PPM1E: variants seen among roughly 807,000 people sequenced by gnomAD.
The protein encoded by PPM1E is protein phosphatase 1E.
Under a neutral mutation model 65.9 loss-of-function variants are expected in PPM1E, and 20 were observed. The observed-to-expected ratio is 0.30, with a 90% CI of 0.21 to 0.44. PPM1E has a LOEUF of 0.44. Among genes scored for constraint, PPM1E ranks in the 20% least tolerant of loss-of-function variants. PPM1E has a pLI of 1.00. For synonymous variants in PPM1E, 352 were observed against 374.9 expected (o/e 0.94, Z 0.70); for missense variants, 713 against 953.1 (o/e 0.75, Z 3.32).
intron 1 of PPM1E, among the ~76,000 whole-genome samples, chr17:58,757,282 G>A (rs1228897345): frequency 6.6e-6 from 1 of 152,206 alleles, no homozygotes; most frequent in East Asian, 1.9e-4. Context: ...CCATTAAGTA[G>A]ATGGGATGGG....
chr17:58,784,624 A>G (rs1383164712), intron 1 of PPM1E, among the ~76,000 whole-genome samples: 5 of 151,154 alleles, frequency 3.3e-5, no homozygotes, highest in African/African-American at 1.2e-4. Context: ...TCCCGGGTTC[A>G]AGCAATGCTC....
intron 1 of PPM1E, among the ~76,000 whole-genome samples, chr17:58,836,770 C>A (rs1268499563): frequency 6.7e-6 from 1 of 148,694 alleles, no homozygotes; most frequent in Non-Finnish European, 1.5e-5. Flanking sequence ...GCCTGTAATC[C>A]CAGCACTTTG....
At chr17:58,795,565 G>A (rs2050197785) in intron 1 of PPM1E, among the ~76,000 whole-genome samples, 1 of 152,144 alleles carries the variant, frequency 6.6e-6, no homozygotes, top group Non-Finnish European at 1.5e-5. Context: ...TTAACTGGAT[G>A]TGGTGGCGCA....
intron 1 of PPM1E, among the ~76,000 whole-genome samples, chr17:58,757,458 T>C (rs1033687912): frequency 6.6e-6 from 1 of 152,252 alleles, no homozygotes; most frequent in South Asian, 2.1e-4. Context: ...AGGAGAATAC[T>C]AGTAAGTCTC....
At chr17:58,883,830 G>A (rs1014299134) in intron 1 of PPM1E, among the ~76,000 whole-genome samples, 2 of 152,092 alleles carry the variant, frequency 1.3e-5, no homozygotes, top group African/African-American at 2.4e-5. Flanking sequence ...AGCCAATTGG[G>A]AAGCCTAAGT....
rs374266409 is a variant in PPM1E, at chr17:58,953,419, A to T, written c.465-2230A>T. On this transcript the variant is annotated intron_variant, in intron 1 of 6. Transcript: ENST00000308249. Reference sequence around the variant, plus strand: ...TGGGAAATGAGAGAGAAAGGGGAGGAGGTGCCCAGCTCTTTTTAATTTAAT... The same window carrying T: ...TGGGAAATGAGAGAGAAAGGGGAGGTGGTGCCCAGCTCTTTTTAATTTAAT... Among the ~76,000 whole-genome samples, 51 of 152,240 alleles carry T rather than the reference A, an allele frequency of 3.3e-4. No individual in the cohort carries two copies. The South Asian group carries it at 1.0e-2, about 30-fold the overall frequency.
At chr17:58,851,658 G>A (rs1049726957) in intron 1 of PPM1E, among the ~76,000 whole-genome samples, 2 of 152,184 alleles carry the variant, frequency 1.3e-5, no homozygotes, top group Middle Eastern at 3.2e-3. Flanking sequence ...TCTCAGAGGG[G>A]CACCTGGCTG....
At chr17:58,770,194 G>A (rs778467899) in intron 1 of PPM1E, among the ~76,000 whole-genome samples, 4 of 152,094 alleles carry the variant, frequency 2.6e-5, no homozygotes, top group Non-Finnish European at 4.4e-5. Context: ...TGCATAATGA[G>A]TTTAAAAATG....
chr17:58,820,577 G>A (rs1236928655), intron 1 of PPM1E, among the ~76,000 whole-genome samples: 1 of 152,070 alleles, frequency 6.6e-6, no homozygotes, highest in Non-Finnish European at 1.5e-5. Flanking sequence ...GTGCTTATTG[G>A]ACCTACAAAT....
At chr17:58,806,704 T>TC (rs983315994) in intron 1 of PPM1E, among the ~76,000 whole-genome samples, 4 of 109,928 alleles carry the variant, frequency 3.6e-5, no homozygotes, top group South Asian at 4.1e-4. Flanking sequence ...TTTTCTTTTT[T>TC]TTTTTTTTTT....
At chr17:58,824,241 CTT>C (rs998247302) in intron 1 of PPM1E, among the ~76,000 whole-genome samples, 2 of 152,162 alleles carry the variant, frequency 1.3e-5, no homozygotes, top group Admixed American at 6.5e-5. Context: ...TAATTTAAAA[CTT>C]TTTTTCTCAT....
chr17:58,917,027 T>C (rs2051691327), intron 1 of PPM1E, among the ~76,000 whole-genome samples: 1 of 151,960 alleles, frequency 6.6e-6, no homozygotes. Flanking sequence ...CGAGCCAACA[T>C]GGTGAAACCC....
chr17:58,942,429 A>G (rs1041081413), intron 1 of PPM1E, among the ~76,000 whole-genome samples: 1 of 152,188 alleles, frequency 6.6e-6, no homozygotes, highest in Non-Finnish European at 1.5e-5. Context: ...ATAATTTTCT[A>G]ATTTTTTTTC....
rs558386232 is a variant in PPM1E at position 58,844,975 on chromosome 17, A to G, written c.464+88514A>G. ...TCAAGCATTATTGAGTGTTGTTTTC[A>G]TTAGATAATGGCACTGGCTTCTCAT... On this transcript the variant is annotated intron_variant, in intron 1 of 6. Coordinates refer to ENST00000308249, the MANE Select transcript of PPM1E (RefSeq NM_014906.5). Among the ~76,000 whole-genome samples, 5 of 152,314 alleles carry G rather than the reference A, an allele frequency of 3.3e-5. No homozygotes were observed. In the East Asian group the frequency reaches 5.8e-4, roughly 18 times the overall value.
intron 1 of PPM1E, among the ~76,000 whole-genome samples, chr17:58,833,029 T>C (rs1240344394): frequency 6.6e-6 from 1 of 152,048 alleles, no homozygotes; most frequent in African/African-American, 2.4e-5. Flanking sequence ...TTTCACCATG[T>C]TGGTCAGGCT....
chr17:58,902,114 AC>A (rs1002266330), intron 1 of PPM1E, among the ~76,000 whole-genome samples: 1 of 152,112 alleles, frequency 6.6e-6, no homozygotes, highest in African/African-American at 2.4e-5. Flanking sequence ...AAAGATTAAA[AC>A]AATGTTCTAA....
At chr17:58,767,305 G>A (rs1446642625) in intron 1 of PPM1E, among the ~76,000 whole-genome samples, 1 of 152,066 alleles carries the variant, frequency 6.6e-6, no homozygotes, top group Non-Finnish European at 1.5e-5. Context: ...AAAAGCTGAG[G>A]CACACAGAAT....
At chr17:58,767,395 A>G (rs2144160442) in intron 1 of PPM1E, among the ~76,000 whole-genome samples, 1 of 152,274 alleles carries the variant, frequency 6.6e-6, no homozygotes, top group East Asian at 1.9e-4. Context: ...TATAATTATG[A>G]TGTTCATTTT....
At chr17:58,916,034 G>T (rs1354720694) in intron 1 of PPM1E, among the ~76,000 whole-genome samples, 1 of 152,002 alleles carries the variant, frequency 6.6e-6, no homozygotes, top group Non-Finnish European at 1.5e-5. Context: ...TTTGAGACAG[G>T]GTTTCTCGTT....
Sources: allele counts gnomAD v4.1 joint callset (sites outside exome capture counted in the v4.1 genomes callset), GRCh38; gene constraint gnomAD v4.1.1; transcripts MANE v1.5; gene names NCBI Gene and HGNC (gene_info 2026-07-23, HGNC 2026-07-21).